INF2: variants seen among roughly 807,000 people sequenced by gnomAD.
INF2 encodes inverted formin-2.
Under a neutral mutation model 123.5 loss-of-function variants are expected in INF2, and 43 were observed. The ratio of observed to expected loss-of-function variants is 0.35; its 90% CI spans 0.27 to 0.45. INF2 has a LOEUF of 0.45. INF2 is among the 20% of genes least tolerant of loss of function. The pLI is 1.00. For missense variants in INF2, 1,453 were observed against 1,682.7 expected (o/e 0.86, Z 2.39); for synonymous variants, 851 against 745.0 (o/e 1.14, Z -2.32).
intron 5 of INF2, 144 bp from the exon 6 acceptor site, chr14:104,705,891 A>G (rs902390079): frequency 2.1e-4 from 219 of 1,028,070 alleles, no homozygotes; most frequent in Middle Eastern, 6.5e-4. Context: ...TGTGGGTCAC[A>G]TGTCAGCCAC....
chr14:104,712,529 G>A lies in INF2; in HGVS notation c.2586G>A (p.Gln862=). The A allele has an allele frequency of 3.1e-6, 5 of 1,612,716 alleles. No individual in the cohort carries two copies. Among genetic ancestry groups the A allele is most frequent in the Non-Finnish European group, 4.2e-6 (5 of 1,179,832 alleles). ...TGTCTGCCTCCGTGGCCGAGGTCCA[G>A]GAGCAGTACACCGAGCGCCTCCAGG... The part of the protein sequence containing the change: ...RKVSASVAEV[Q]EQYTERLQAS... The change falls in exon 17 of 23, where the codon CAG becomes CAA. Residue 862 remains glutamine, a synonymous_variant. Coordinates refer to ENST00000392634, the MANE Select transcript of INF2 (RefSeq NM_022489.4).
intron 11 of INF2, 58 bp downstream of exon 11, chr14:104,709,441 C>A: frequency 2.1e-6 from 3 of 1,428,552 alleles, no homozygotes; most frequent in Non-Finnish European, 3.0e-6. Context: ...AAGGGAGAGG[C>A]TGTCCCGGGG....
intron 16 of INF2, 41 bp downstream of exon 16, chr14:104,711,740 G>A: frequency 6.3e-7 from 1 of 1,594,170 alleles, no homozygotes; most frequent in East Asian, 2.2e-5. Context: ...AGCCAGGTGG[G>A]GGCCTGACTT....
chr14:104,698,664 CGTG>C (rs1889319276), intron 1 of INF2, among the ~76,000 whole-genome samples: 2 of 152,144 alleles, frequency 1.3e-5, no homozygotes, highest in Non-Finnish European at 2.9e-5. Flanking sequence ...ATGGTCTGGC[CGTG>C]GTGTGTTTGC....
Position 104,713,699 on chromosome 14 carries a change from C to T in INF2, c.3040+93C>T. 7 of 1,416,528 alleles carry T rather than the reference C, an allele frequency of 4.9e-6. No individual in the cohort carries two copies. In the South Asian group the frequency reaches 8.0e-5, roughly 16 times the overall value. 87.7% of individuals were successfully genotyped at this position (1,416,528 alleles called of 1,614,324 possible). A position where few individuals can be genotyped will look rare whatever the true frequency, so the allele number is the denominator to read the frequency against. ...GTCCTCCTGACTTCACTGGAAAGCC[C>T]TCTCCTCTCCCTGGGCCACCCTGGA... On this transcript the variant is annotated intron_variant, in intron 20 of 22. Coordinates refer to ENST00000392634, the MANE Select transcript of INF2 (RefSeq NM_022489.4).
At chr14:104,702,944 C>T (rs541639262) in intron 2 of INF2, among the ~76,000 whole-genome samples, 161 bp from the exon 3 acceptor site, 11 of 152,194 alleles carry the variant, frequency 7.2e-5, no homozygotes, top group Admixed American at 2.0e-4. Flanking sequence ...AGGAGTGGGG[C>T]ACCTCGTTGG....
At chr14:104,710,330 C>T (rs774810662) in intron 13 of INF2, 142 bp downstream of exon 13, 7 of 635,338 alleles carry the variant, frequency 1.1e-5, no homozygotes, top group Non-Finnish European at 2.0e-5. Flanking sequence ...ACCACCACTC[C>T]GGAAACCACC....
intron 1 of INF2, among the ~76,000 whole-genome samples, chr14:104,696,049 G>A (rs8017614): frequency 0.013 from 1,928 of 152,212 alleles, 52 homozygotes; most frequent in African/African-American, 0.044. Flanking sequence ...CAGGTGTCCC[G>A]GTGGTATCGC....
In INF2 at chr14:104,707,701, AC is replaced by A; in HGVS notation, c.1438del (p.Leu480CysfsTer78). The A allele has an allele frequency of 1.6e-6, 1 of 644,512 alleles. No individual in the cohort carries two copies. The highest frequency in any genetic ancestry group is 2.1e-6 in the Non-Finnish European group (1 of 474,740). 39.9% of individuals were successfully genotyped at this position (644,512 alleles called of 1,614,324 possible). On this transcript the variant is annotated frameshift_variant, in exon 8 of 23. Transcript: ENST00000392634. LOFTEE classifies it high-confidence loss of function. ...MAPPAPPLPPPLPGSCEFLPP... is the reference protein window; with the variant it reads ...MAPPAPPLPPXLPGSCEFLPP... The stretch of plus-strand genomic sequence containing the variant: ...CCCCCCCAGCACCTCCTCTACCACC[AC>A]CCCTGCCAGGCTCCTGTGAGTTCCT...
intron 22 of INF2, chr14:104,715,779 T>C: frequency 2.1e-6 from 1 of 478,346 alleles, no homozygotes; most frequent in Non-Finnish European, 4.1e-6. Context: ...GGTGGAGGGC[T>C]ATCTTCACTC....
chr14:104,708,569 C>T lies in INF2; in HGVS notation c.1869C>T (p.Ala623=), dbSNP rs772020181. 2 of 1,612,526 alleles carry T rather than the reference C, an allele frequency of 1.2e-6. No homozygotes were observed. Among genetic ancestry groups the T allele is most frequent in the South Asian group, 1.1e-5 (1 of 91,080 alleles). ...PKEPTMVAPR[A]RKEPKEITFL... The stretch of plus-strand genomic sequence containing the variant: ...AGCCCACCATGGTGGCCCCCCGGGC[C>T]AGGAAGGAGCCCAAGGAGGTGGGGA... Residue 623 remains alanine, a synonymous_variant, in exon 9 of 23, where the codon GCC becomes GCT. Transcript: ENST00000392634.
upstream of INF2, among the ~76,000 whole-genome samples, chr14:104,687,052 A>G (rs1041443672): frequency 6.6e-6 from 1 of 152,308 alleles, no homozygotes; most frequent in African/African-American, 2.4e-5. The surrounding 1 kb of genome is among the most constrained non-coding windows in gnomAD (Gnocchi z 5.6). Context: ...GCATCTGGGT[A>G]CCTGCAGCTG....
intron 1 of INF2, among the ~76,000 whole-genome samples, chr14:104,693,688 T>A (rs990176257): frequency 3.3e-5 from 5 of 152,206 alleles, no homozygotes; most frequent in African/African-American, 1.2e-4. Context: ...AGGGGTTTGT[T>A]CGTGCCTGAG....
At chr14:104,697,346 C>G in intron 1 of INF2, among the ~76,000 whole-genome samples, 1 of 152,216 alleles carries the variant, frequency 6.6e-6, no homozygotes. Flanking sequence ...AGTCTGGGTA[C>G]CCTAACCCTG....
chr14:104,708,293 G>T, intron 8 of INF2, 143 bp from the exon 9 acceptor site: 1 of 1,075,520 alleles, frequency 9.3e-7, no homozygotes, highest in Non-Finnish European at 1.3e-6. Context: ...GGGAGGTAGG[G>T]TGCCTGCTGT....
In INF2 at chr14:104,722,405, G is replaced by C. The variant is rs1005985635; in HGVS notation, c.*3612G>C. 2.0e-5 allele frequency: 3 copies of C among 152,254 alleles called. No homozygotes were observed. Among genetic ancestry groups the C allele is most frequent in the African/African-American group, 4.8e-5 (2 of 41,426 alleles). The allele number at this position is 152,254 out of a possible 1,614,324, so 9.4% of individuals were successfully genotyped here. ...TAGCCCAGAGCCCCAGGGGTCCCCA[G>C]GAAGGGCTCAGAGCTGGTGGCCCCC... On this transcript the variant is annotated 3_prime_UTR_variant, in exon 23 of 23. Transcript: ENST00000392634.
intron 13 of INF2, among the ~76,000 whole-genome samples, chr14:104,710,532 C>T (rs1434887571): frequency 3.3e-5 from 5 of 152,052 alleles, no homozygotes; most frequent in African/African-American, 1.2e-4. Flanking sequence ...CACACAAGCC[C>T]ACAAGCACAG....
intron 8 of INF2, 80 bp downstream of exon 8, chr14:104,708,082 A>C: frequency 6.3e-7 from 1 of 1,589,996 alleles, no homozygotes; most frequent in Non-Finnish European, 8.5e-7. Context: ...CAGGTGGCAC[A>C]TGGAACTTGT....
At chr14:104,703,714 C>T (rs1264550697) in intron 4 of INF2, among the ~76,000 whole-genome samples, 2 of 152,240 alleles carry the variant, frequency 1.3e-5, no homozygotes, top group Non-Finnish European at 1.5e-5. Context: ...CCTGAGACCT[C>T]GTTCTAGCCC....
Sources: gnomAD v4.1 joint callset for allele counts (sites outside exome capture counted in the v4.1 genomes callset) on GRCh38, gnomAD v4.1.1 for gene constraint, Gnocchi (gnomAD v3.1) non-coding constraint, MANE v1.5 for transcripts, NCBI Gene and HGNC (gene_info 2026-07-23, HGNC 2026-07-21) for gene names.